Variants in L3HYPDH observed in about 807,000 individuals in gnomAD.
L3HYPDH encodes trans-3-hydroxy-L-proline dehydratase.
In L3HYPDH, 32 loss-of-function variants were observed where a neutral mutation model predicts 26.5. The observed-to-expected ratio is 1.21, with a 90% CI of 0.91 to 1.62. The LOEUF (loss-of-function observed/expected upper bound fraction) is 1.62. L3HYPDH is among the 40% of genes most tolerant of loss of function. The pLI, the probability that L3HYPDH is intolerant of heterozygous loss-of-function variation, is 0.00. For synonymous variants in L3HYPDH, 215 were observed against 196.6 expected (o/e 1.09, Z -0.78); for missense variants, 554 against 476.4 (o/e 1.16, Z -1.52).
chr14:59,483,245 G>A (rs1280396445), intron 1 of L3HYPDH, among the ~76,000 whole-genome samples: 1 of 152,210 alleles, frequency 6.6e-6, no homozygotes, highest in Non-Finnish European at 1.5e-5. Context: ...GGGTTATCAG[G>A]ATTTGAAACC....
At chr14:59,476,775 T>C (rs1489434870) in intron 2 of L3HYPDH, among the ~76,000 whole-genome samples, 1 of 152,228 alleles carries the variant, frequency 6.6e-6, no homozygotes, top group Non-Finnish European at 1.5e-5. Flanking sequence ...TTGTAGACGA[T>C]GAAGTCAGTT....
chr14:59,471,911 G>C (rs1429041180), downstream of L3HYPDH, among the ~76,000 whole-genome samples: 1 of 152,106 alleles, frequency 6.6e-6, no homozygotes, highest in Non-Finnish European at 1.5e-5. Context: ...TCCTGTTTTT[G>C]TGTAACAGAG....
At chr14:59,483,369 G>C (rs1049666589) in intron 1 of L3HYPDH, 3 of 279,562 alleles carry the variant, frequency 1.1e-5, no homozygotes, top group African/African-American at 2.3e-5. Flanking sequence ...GGGAGGTGAG[G>C]AAAGGAGACC....
the L3HYPDH span, among the ~76,000 whole-genome samples, chr14:59,502,969 C>T: frequency 5.2e-4 from 79 of 151,632 alleles, no homozygotes; most frequent in East Asian, 0.013. Flanking sequence ...AGGCTGGTCT[C>T]AAACTCCTGA....
intron 2 of L3HYPDH, among the ~76,000 whole-genome samples, chr14:59,476,941 G>A (rs1889670927): frequency 6.6e-6 from 1 of 152,156 alleles, no homozygotes; most frequent in Non-Finnish European, 1.5e-5. Context: ...AACATTTACA[G>A]TATGACTGAG....
chr14:59,486,681 A>C (rs1458348250), upstream of L3HYPDH: 2 of 1,395,502 alleles, frequency 1.4e-6, no homozygotes, highest in East Asian at 4.8e-5. Flanking sequence ...ATCACAAAAG[A>C]TGTTACTATA....
intron 1 of L3HYPDH, among the ~76,000 whole-genome samples, chr14:59,482,588 A>T (rs1483551207): frequency 6.6e-6 from 1 of 152,140 alleles, no homozygotes; most frequent in African/African-American, 2.4e-5. Flanking sequence ...CGTAAACATA[A>T]ATTCTGTCTC....
chr14:59,466,540 G>A, intron 1 of L3HYPDH, among the ~76,000 whole-genome samples: 1 of 152,184 alleles, frequency 6.6e-6, no homozygotes, highest in Non-Finnish European at 1.5e-5. Flanking sequence ...AAACTCCTGT[G>A]GTGGGGCCCA....
chr14:59,499,355 T>G, the L3HYPDH span, among the ~76,000 whole-genome samples: 157 of 152,292 alleles, frequency 1.0e-3, 5 homozygotes, highest in East Asian at 0.027. Flanking sequence ...AAACTGGTTT[T>G]TATTTAGGAA....
chr14:59,476,768 T>C (rs1889658634), intron 2 of L3HYPDH, among the ~76,000 whole-genome samples: 2 of 152,200 alleles, frequency 1.3e-5, no homozygotes, highest in African/African-American at 4.8e-5. Flanking sequence ...AGATTTATTG[T>C]AGACGATGAA....
intron 1 of L3HYPDH, among the ~76,000 whole-genome samples, chr14:59,479,741 T>C (rs1273153): frequency 0.083 from 12,585 of 152,258 alleles, 686 homozygotes; most frequent in African/African-American, 0.16. Context: ...TGGTTTAAAA[T>C]AGTGAGGGTC....
upstream of L3HYPDH, chr14:59,484,568 GAA>G (rs1890351880): frequency 6.4e-7 from 1 of 1,572,056 alleles, no homozygotes; most frequent in Admixed American, 1.9e-5. Flanking sequence ...AGTGCTTCTC[GAA>G]AAAAACCTTC....
At position 59,476,112 on chromosome 14, in the gene L3HYPDH, A is replaced by G; in HGVS notation, c.781T>C (p.Cys261Arg). Residue 261 changes from cysteine to arginine, a missense_variant, in exon 3 of 5, where the codon TGT (cysteine) becomes CGT (arginine). By Grantham distance (180) the Cys-to-Arg change is radical. Transcript: ENST00000247194. ...AYTKEPTTNI[C>R]VFADEQVDRS... ...AATACCTGTTCATCTGCAAAAACAC[A>G]AATGTTGGTGGTTGGTTCCTTGGTA... 6.2e-7 allele frequency: 1 copy of G among 1,613,986 alleles called. No homozygotes were observed. Among genetic ancestry groups the G allele is most frequent in the Non-Finnish European group, 8.5e-7 (1 of 1,179,898 alleles).
At position 59,479,236 on chromosome 14, in the gene L3HYPDH, C is replaced by A. The variant is rs1377268840; in HGVS notation, c.624G>T (p.Lys208Asn). ...TCGCTGCATCCACAAGGTCCCTGGT[C>A]TTTGCAGAACAAATGTCTAGTCCTA... ...EKLGLDICSAKTRDLVDAASA... is the reference protein window; with the variant it reads ...EKLGLDICSANTRDLVDAASA... Residue 208 changes from lysine (K) to asparagine (N), a missense_variant, in exon 2 of 5, where the codon AAG becomes AAT. By Grantham distance (94) the Lys-to-Asn change is moderately conservative. Transcript: ENST00000247194. 1 of 1,613,430 alleles carries A rather than the reference C, an allele frequency of 6.2e-7. No homozygotes were observed. The highest frequency in any genetic ancestry group is 2.2e-5 in the East Asian group (1 of 44,846).
At chr14:59,498,950 G>T in the L3HYPDH span, 7 of 944,214 alleles carry the variant, frequency 7.4e-6, no homozygotes, top group Middle Eastern at 2.5e-4. Flanking sequence ...ATTTATTATT[G>T]TATGTAGTAA....
chr14:59,483,670 A>T, intron 1 of L3HYPDH, 139 bp downstream of exon 1: 1 of 1,452,296 alleles, frequency 6.9e-7, no homozygotes, highest in South Asian at 1.4e-5. Context: ...ACACGTTGGC[A>T]GTGATTTACC....
At chr14:59,492,042 A>G in the L3HYPDH span, among the ~76,000 whole-genome samples, 1 of 152,332 alleles carries the variant, frequency 6.6e-6, no homozygotes, top group East Asian at 1.9e-4. Context: ...AAATAGCACT[A>G]GGACTTATTG....
At chr14:59,494,910 CT>C in the L3HYPDH span, 35,961 of 770,894 alleles carry the variant, frequency 0.047, 994 homozygotes, top group Non-Finnish European at 0.057. Context: ...TAGTTTTTGA[CT>C]TTTCTTATAG....
chr14:59,504,177 T>C, the L3HYPDH span: 8 of 685,224 alleles, frequency 1.2e-5, no homozygotes, highest in South Asian at 9.2e-5. Flanking sequence ...GGGAACAAGA[T>C]TGTCAGTATA....
Sources: allele counts gnomAD v4.1 joint callset (sites outside exome capture counted in the v4.1 genomes callset), GRCh38; gene constraint gnomAD v4.1.1; transcripts MANE v1.5; gene names NCBI Gene and HGNC (gene_info 2026-07-23, HGNC 2026-07-21).